Variants in DDHD1 observed in about 807,000 individuals in gnomAD.
DDHD1 encodes the protein phospholipase DDHD1.
Under a neutral mutation model 96.4 loss-of-function variants are expected in DDHD1, and 49 were observed. The ratio of observed to expected loss-of-function variants is 0.51; its 90% CI spans 0.40 to 0.64. The LOEUF is 0.64. Ranked by LOEUF, DDHD1 falls within the 30% of genes least tolerant of loss-of-function variation. The pLI is 0.00. For synonymous variants in DDHD1, 442 were observed against 446.5 expected (o/e 0.99, Z 0.13); for missense variants, 1,106 against 1,161.2 (o/e 0.95, Z 0.69).
chr14:53,070,769 A>G (rs1300444736), intron 6 of DDHD1, among the ~76,000 whole-genome samples: 1 of 152,178 alleles, frequency 6.6e-6, no homozygotes, highest in Admixed American at 6.5e-5. Context: ...TGTCTATTAT[A>G]AAAATAGTTA....
chr14:53,039,643 T>C lies in DDHD1; in HGVS notation c.*7125A>G, dbSNP rs1452900790. 6.6e-6 allele frequency: 1 copy of C among 152,254 alleles called. No individual in the cohort carries two copies. Among genetic ancestry groups the C allele is most frequent in the African/African-American group, 2.4e-5 (1 of 41,442 alleles). 9.4% of individuals were successfully genotyped at this position (152,254 alleles called of 1,614,324 possible). A position where few individuals can be genotyped will look rare whatever the true frequency, so the allele number is the denominator to read the frequency against. On this transcript the variant is annotated 3_prime_UTR_variant, in exon 13 of 13. Coordinates refer to ENST00000673822, the MANE Select transcript of DDHD1 (RefSeq NM_001160148.2). The stretch of plus-strand genomic sequence containing the variant: ...CAGGTAGCCAGTACAATAACTAAAA[T>C]GCAAGCATTTAAAGGCAAATGGAAT...
chr14:53,051,699 T>A, intron 12 of DDHD1, 145 bp downstream of exon 12: 2 of 636,084 alleles, frequency 3.1e-6, no homozygotes, highest in East Asian at 2.8e-5. Flanking sequence ...AAATATGGGA[T>A]GAAAATACAC....
intron 1 of DDHD1, among the ~76,000 whole-genome samples, chr14:53,139,843 C>CAAAAAAAAA (rs56999105): frequency 1.5e-5 from 2 of 131,260 alleles, no homozygotes. Flanking sequence ...CAAGAGACCA[C>CAAAAAAAAA]AAAAAAAAAA....
intron 1 of DDHD1, among the ~76,000 whole-genome samples, chr14:53,116,872 C>G (rs1266925780): frequency 6.6e-6 from 1 of 152,008 alleles, no homozygotes; most frequent in Non-Finnish European, 1.5e-5. Context: ...TAGAGCAGAA[C>G]TAAAGGAGAT....
intron 6 of DDHD1, among the ~76,000 whole-genome samples, chr14:53,064,017 C>T (rs1271613203): frequency 1.3e-5 from 2 of 152,094 alleles, no homozygotes; most frequent in Non-Finnish European, 2.9e-5. Context: ...TTTCTTCCTA[C>T]ACTTTACAAA....
At chr14:53,131,526 C>T (rs1246021826) in intron 1 of DDHD1, among the ~76,000 whole-genome samples, 1 of 152,150 alleles carries the variant, frequency 6.6e-6, no homozygotes, top group African/African-American at 2.4e-5. Flanking sequence ...ACCCATTATT[C>T]TGTTCTGGAT....
At position 53,153,250 on chromosome 14, in the gene DDHD1, C is replaced by T. The variant is rs1018777843; in HGVS notation, c.-152G>A. The T allele has an allele frequency of 3.3e-6, 2 of 602,886 alleles. No individual in the cohort carries two copies. Among genetic ancestry groups the T allele is most frequent in the Admixed American group, 4.4e-5 (1 of 22,876 alleles). The allele number at this position is 602,886 out of a possible 1,614,324, so 37.3% of individuals were successfully genotyped here. A position where few individuals can be genotyped will look rare whatever the true frequency, so the allele number is the denominator to read the frequency against. ...GCGGCGGCAGCGGCGACCGCTCCGC[C>T]CCCACGAGACCCGCAGCCGCCGCAG... On this transcript the variant is annotated 5_prime_UTR_variant, in exon 1 of 13. Coordinates refer to ENST00000673822, the MANE Select transcript of DDHD1 (RefSeq NM_001160148.2).
chr14:53,146,880 T>C (rs1187111929), intron 1 of DDHD1, among the ~76,000 whole-genome samples: 2 of 151,980 alleles, frequency 1.3e-5, no homozygotes, highest in African/African-American at 4.8e-5. Context: ...GAGTGTATTG[T>C]GGAAAAACAG....
chr14:53,078,151 T>C (rs1308102345), intron 4 of DDHD1, among the ~76,000 whole-genome samples: 1 of 152,162 alleles, frequency 6.6e-6, no homozygotes, highest in Non-Finnish European at 1.5e-5. Context: ...ACATAAGCAA[T>C]ATTACTGGCT....
At chr14:53,061,239 T>C in intron 7 of DDHD1, 38 bp from the exon 8 acceptor site, 1 of 1,539,776 alleles carries the variant, frequency 6.5e-7, no homozygotes, top group South Asian at 1.2e-5. Flanking sequence ...CACACGTATT[T>C]ATAATTTCAT....
Position 53,055,891 on chromosome 14 carries a change from T to C in DDHD1, c.2014A>G (p.Ile672Val). 1 of 1,613,546 alleles carries C rather than the reference T, an allele frequency of 6.2e-7. No homozygotes were observed. Among genetic ancestry groups the C allele is most frequent in the Non-Finnish European group, 8.5e-7 (1 of 1,179,590 alleles). Residue 672 changes from isoleucine (I) to valine (V), a missense_variant, in exon 10 of 13, where the codon ATA (isoleucine) becomes GTA (valine). This residue lies in a region of DDHD1 where 650 missense variants were observed against 758.8 expected (regional missense o/e 0.86). Coordinates refer to ENST00000673822, the MANE Select transcript of DDHD1 (RefSeq NM_001160148.2). ...GAAATGTTGCTGTAGTGTTTCAGTA[T>C]TAATGGTTCTAATCTATAAGCCTTG... Reference protein sequence around the residue: ...DPVAYRLEPLILKHYSNISPV... With the variant: ...DPVAYRLEPLVLKHYSNISPV...
intron 1 of DDHD1, among the ~76,000 whole-genome samples, chr14:53,126,407 G>T (rs368780056): frequency 4.6e-5 from 7 of 152,170 alleles, no homozygotes; most frequent in African/African-American, 1.7e-4. Context: ...CCATCTCCCA[G>T]GCTAGAGTGC....
At chr14:53,058,204 T>G (rs143366885) in intron 9 of DDHD1, among the ~76,000 whole-genome samples, 66 of 152,316 alleles carry the variant, frequency 4.3e-4, no homozygotes, top group African/African-American at 1.5e-3. Context: ...TGGCATGATC[T>G]TGGCTCAGTC....
chr14:53,130,945 T>A (rs910650762), intron 1 of DDHD1, among the ~76,000 whole-genome samples: 11 of 152,132 alleles, frequency 7.2e-5, no homozygotes, highest in Non-Finnish European at 1.5e-4. Context: ...GAGGGTAAGT[T>A]CATCCCCTTC....
At chr14:53,128,356 T>C (rs1566591867) in intron 1 of DDHD1, among the ~76,000 whole-genome samples, 1 of 152,226 alleles carries the variant, frequency 6.6e-6, no homozygotes, top group Non-Finnish European at 1.5e-5. Flanking sequence ...CTCACATCTC[T>C]GGAGACTGCC....
chr14:53,047,617 A>G (rs548008113), intron 12 of DDHD1, among the ~76,000 whole-genome samples: 1 of 152,312 alleles, frequency 6.6e-6, no homozygotes, highest in East Asian at 1.9e-4. Context: ...AAAGTTAAAC[A>G]GGGAGGAGCA....
chr14:53,117,260 C>A (rs562926911), intron 1 of DDHD1, among the ~76,000 whole-genome samples: 2 of 152,160 alleles, frequency 1.3e-5, no homozygotes, highest in African/African-American at 4.8e-5. Flanking sequence ...GCATTTCCAA[C>A]TGAGGTACCT....
chr14:53,086,804 T>C (rs1886000539), intron 4 of DDHD1, among the ~76,000 whole-genome samples: 1 of 151,924 alleles, frequency 6.6e-6, no homozygotes, highest in Non-Finnish European at 1.5e-5. Context: ...CATAACAATA[T>C]TAACCTTAAC....
chr14:53,102,950 A>G (rs1887415885), intron 2 of DDHD1: 1 of 1,364,630 alleles, frequency 7.3e-7, no homozygotes, highest in African/African-American at 1.5e-5. Context: ...AATAAAGACT[A>G]GCATGGATGA....
Sources: allele counts gnomAD v4.1 joint callset (sites outside exome capture counted in the v4.1 genomes callset), GRCh38; gene constraint gnomAD v4.1.1; regional missense constraint gnomAD v4.1.1; transcripts MANE v1.5; gene names NCBI Gene and HGNC (gene_info 2026-07-23, HGNC 2026-07-21).